The following PTPRC variants were observed in gnomAD, a reference collection of about 807,000 sequenced individuals.
The protein encoded by PTPRC is receptor-type tyrosine-protein phosphatase C.
Under a neutral mutation model 155.9 loss-of-function variants are expected in PTPRC, and 44 were observed. The observed-to-expected ratio is 0.28, with a 90% CI of 0.22 to 0.36. The LOEUF (loss-of-function observed/expected upper bound fraction) is 0.36. Among genes scored for constraint, PTPRC ranks in the 10% least tolerant of loss-of-function variants. The pLI, the probability that PTPRC is intolerant of heterozygous loss-of-function variation, is 1.00. For missense variants in PTPRC, 1,401 were observed against 1,564.6 expected, an observed-to-expected ratio of 0.90 and a Z score of 1.76; for synonymous variants, 525 against 533.1, an observed-to-expected ratio of 0.98 and a Z score of 0.21.
intron 2 of PTPRC, among the ~76,000 whole-genome samples, chr1:198,685,008 T>A (rs747584671): frequency 1.3e-5 from 2 of 152,040 alleles, no homozygotes; most frequent in Non-Finnish European, 2.9e-5. Context: ...TTAACTAGAT[T>A]GAATGAAATC....
Position 198,639,156 on chromosome 1 carries a change from A to G in PTPRC, c.-44+19A>G, listed in dbSNP as rs930116604. On this transcript the variant is annotated intron_variant, in intron 1 of 32. Transcript: ENST00000442510. ...GTGGAGAGTATGCATTTATTTATTT[A>G]CTTTTACATTTTTGATTCGTTTTTA... 3.5e-6 allele frequency: 3 copies of G among 851,666 alleles called. No individual in the cohort carries two copies. The highest frequency in any genetic ancestry group is 6.1e-6 in the Non-Finnish European group (3 of 493,480). The allele number at this position is 851,666 out of a possible 1,614,324, so 52.8% of individuals were successfully genotyped here. A position where few individuals can be genotyped will look rare whatever the true frequency, so the allele number is the denominator to read the frequency against.
In PTPRC at chr1:198,699,558, C is replaced by T. The variant is rs1253514198; in HGVS notation, c.299-6C>T. On this transcript the variant is annotated splice_region_variant and splice_polypyrimidine_tract_variant and intron_variant, in intron 4 of 32. Coordinates refer to ENST00000442510, the MANE Select transcript of PTPRC (RefSeq NM_002838.5). ...CTGATGTAATGATCTCACTTTCCTA[C>T]CTTAGGTGTTTCATCAGTACAGACG... The T allele has an allele frequency of 1.2e-6, 2 of 1,614,146 alleles. No homozygotes were observed. Among genetic ancestry groups the T allele is most frequent in the East Asian group, 4.5e-5 (2 of 44,878 alleles).
At chr1:198,719,092 C>T (rs1191691138) in intron 14 of PTPRC, among the ~76,000 whole-genome samples, 1 of 151,950 alleles carries the variant, frequency 6.6e-6, no homozygotes, top group African/African-American at 2.4e-5. Flanking sequence ...TTCATAAATT[C>T]CTAAAAATGC....
intron 20 of PTPRC, among the ~76,000 whole-genome samples, chr1:198,732,765 C>A (rs1167149742): frequency 6.6e-6 from 1 of 151,762 alleles, no homozygotes; most frequent in African/African-American, 2.4e-5. Context: ...CCTCTACAAA[C>A]AAAATTATAT....
At chr1:198,679,717 G>A (rs1176170368) in intron 2 of PTPRC, 6 of 383,668 alleles carry the variant, frequency 1.6e-5, no homozygotes, top group Non-Finnish European at 2.9e-5. Context: ...CCCTCCGGAG[G>A]CCCGAGCCCA....
intron 26 of PTPRC, among the ~76,000 whole-genome samples, chr1:198,746,407 A>C (rs1350860924): frequency 6.6e-6 from 1 of 151,628 alleles, no homozygotes; most frequent in African/African-American, 2.4e-5. Flanking sequence ...ACTTTTTCTT[A>C]AAAGGGCTGC....
intron 6 of PTPRC, 25 bp downstream of exon 6, chr1:198,702,555 G>A (rs767825233): frequency 5.5e-5 from 88 of 1,613,538 alleles, no homozygotes; most frequent in Non-Finnish European, 7.4e-5. Context: ...CTCTAGTAGT[G>A]TCTTCAGTTA....
At chr1:198,693,017 T>C in intron 3 of PTPRC, 1 of 955,884 alleles carries the variant, frequency 1.0e-6, no homozygotes. Context: ...ACTTAACTGA[T>C]GTTACTGAAA....
At chr1:198,747,586 G>A (rs1655190973) in intron 26 of PTPRC, among the ~76,000 whole-genome samples, 1 of 151,844 alleles carries the variant, frequency 6.6e-6, no homozygotes, top group South Asian at 2.1e-4. Flanking sequence ...GATTAAGTAG[G>A]AAGAAAGAAA....
chr1:198,691,824 T>G (rs1159392821), intron 2 of PTPRC, among the ~76,000 whole-genome samples: 1 of 152,140 alleles, frequency 6.6e-6, no homozygotes, highest in Non-Finnish European at 1.5e-5. Context: ...GATCCTGTTA[T>G]GTTCTCCTTT....
Position 198,756,230 on chromosome 1 carries a change from C to CTATT in PTPRC, c.*51_*54dup, listed in dbSNP as rs1553246575. 1.3e-5 allele frequency: 21 copies of CTATT among 1,606,226 alleles called. 1 individual carries two copies. The South Asian group carries it at 2.0e-4, about 15-fold the overall frequency. On this transcript the variant is annotated 3_prime_UTR_variant, in exon 33 of 33. Transcript: ENST00000442510. ...CCAAACCTCCTGTTAGCTGTTATTTCTATTTTTGTAGAAGTAGGAAGTGAA... is the reference window on the plus strand; with the variant it reads ...CCAAACCTCCTGTTAGCTGTTATTTCTATTTATTTTTGTAGAAGTAGGAAGTGAA...
chr1:198,641,614 TG>T (rs770238771), intron 2 of PTPRC, among the ~76,000 whole-genome samples: 2 of 152,036 alleles, frequency 1.3e-5, no homozygotes, highest in Non-Finnish European at 2.9e-5. Flanking sequence ...TGTGCCTCTT[TG>T]CCATGGCAAC....
Position 198,699,676 on chromosome 1 carries a change from C to T in PTPRC, c.411C>T (p.Asn137=), listed in dbSNP as rs757355294. 8.7e-6 allele frequency: 14 copies of T among 1,614,214 alleles called. No homozygotes were observed. The South Asian group carries it at 9.9e-5, about 11-fold the overall frequency. ...GCTCCGCCGCCAATGCAAAACTCAA[C>T]CCTACCCCAGGCAGCAATGCTATCT... ...FSGSAANAKL[N]PTPGSNAISD... is the part of the protein sequence containing the mutation. The change falls in exon 5 of 33, where the codon AAC becomes AAT. Residue 137 remains asparagine (N), a synonymous_variant. Coordinates refer to ENST00000442510, the MANE Select transcript of PTPRC (RefSeq NM_002838.5).
intron 2 of PTPRC, among the ~76,000 whole-genome samples, chr1:198,646,550 G>A (rs904502887): frequency 2.6e-5 from 4 of 151,476 alleles, no homozygotes; most frequent in Non-Finnish European, 4.4e-5. Context: ...AACTTAAATC[G>A]GGCAATATTA....
At chr1:198,673,847 G>T (rs1664788785) in intron 2 of PTPRC, among the ~76,000 whole-genome samples, 1 of 152,076 alleles carries the variant, frequency 6.6e-6, no homozygotes, top group South Asian at 2.1e-4. Flanking sequence ...GTATGTTGTA[G>T]AAAGCTAATC....
intron 4 of PTPRC, among the ~76,000 whole-genome samples, chr1:198,697,204 C>T (rs977679838): frequency 5.3e-5 from 8 of 152,118 alleles, no homozygotes; most frequent in Non-Finnish European, 1.2e-4. Flanking sequence ...ATGATTCTCC[C>T]GCTTGGCTTC....
At chr1:198,740,574 T>A (rs960552379) in intron 23 of PTPRC, among the ~76,000 whole-genome samples, 1 of 133,328 alleles carries the variant, frequency 7.5e-6, no homozygotes, top group Non-Finnish European at 1.8e-5. Context: ...GCAGTGAGAC[T>A]TTATCTCAAA....
At chr1:198,721,584 T>G (rs1359587937) in intron 14 of PTPRC, among the ~76,000 whole-genome samples, 1 of 151,890 alleles carries the variant, frequency 6.6e-6, no homozygotes, top group Non-Finnish European at 1.5e-5. Context: ...TTTAAGAGAG[T>G]TTTTCTACAT....
intron 23 of PTPRC, among the ~76,000 whole-genome samples, chr1:198,737,215 T>A (rs1654685973): frequency 6.6e-6 from 1 of 151,788 alleles, no homozygotes; most frequent in South Asian, 2.1e-4. Context: ...CTTGTTCATT[T>A]TTGCTATGGT....
Sources: allele counts gnomAD v4.1 joint callset (sites outside exome capture counted in the v4.1 genomes callset), GRCh38; gene constraint gnomAD v4.1.1; transcripts MANE v1.5; gene names NCBI Gene and HGNC (gene_info 2026-07-23, HGNC 2026-07-21).